The following ADAM2 variants were observed in gnomAD, a reference collection of about 807,000 sequenced individuals.
The protein encoded by ADAM2 is disintegrin and metalloproteinase domain-containing protein 2.
ADAM2 carries 101 observed loss-of-function variants against 99.3 expected under a neutral mutation model. That is an observed-to-expected ratio of 1.02 (90% CI 0.87 to 1.20). ADAM2 has a LOEUF of 1.20. Among genes scored for constraint, ADAM2 ranks in the 50% most tolerant of loss-of-function variants. ADAM2 has a pLI of 0.00. For missense variants in ADAM2, 948 were observed against 878.7 expected, an observed-to-expected ratio of 1.08 and a Z score of -1.00; for synonymous variants, 323 against 287.6, an observed-to-expected ratio of 1.12 and a Z score of -1.25.
intron 4 of ADAM2, among the ~76,000 whole-genome samples, chr8:39,824,086 C>A (rs1374712258): frequency 6.6e-6 from 1 of 152,032 alleles, no homozygotes; most frequent in African/African-American, 2.4e-5. Flanking sequence ...GAGTTCGACA[C>A]CAGCCTGACC....
intron 1 of ADAM2, 34 bp downstream of exon 1, chr8:39,838,097 C>T: frequency 1.2e-6 from 2 of 1,611,994 alleles, no homozygotes; most frequent in Non-Finnish European, 1.7e-6. Flanking sequence ...CGCTGAGGGT[C>T]CCAAAAGGCC....
chr8:39,804,134 G>A (rs1010091943), intron 7 of ADAM2, among the ~76,000 whole-genome samples: 2 of 152,190 alleles, frequency 1.3e-5, no homozygotes, highest in African/African-American at 2.4e-5. Flanking sequence ...AGCGAAATAT[G>A]AGTCAGCAAG....
chr8:39,751,943 G>A (rs545836606), intron 16 of ADAM2, among the ~76,000 whole-genome samples: 14 of 151,850 alleles, frequency 9.2e-5, no homozygotes, highest in Non-Finnish European at 1.6e-4. Context: ...AGCAATTCTC[G>A]TGCCTCAGCC....
chr8:39,743,971 A>G lies in ADAM2; in HGVS notation c.*124T>C, dbSNP rs1342899180. On this transcript the variant is annotated 3_prime_UTR_variant, in exon 21 of 21. Coordinates refer to ENST00000265708, the MANE Select transcript of ADAM2 (RefSeq NM_001464.5). ...ATTTTCTGGTCAAATTAAAATCACA[A>G]TATGCAGGTTTGAATCCCAGGAAAC... The G allele has an allele frequency of 6.6e-6, 1 of 152,144 alleles. No individual in the cohort carries two copies. Among genetic ancestry groups the G allele is most frequent in the African/African-American group, 2.4e-5 (1 of 41,448 alleles). 9.4% of individuals were successfully genotyped at this position (152,144 alleles called of 1,614,324 possible).
At chr8:39,752,894 C>T (rs564588947) in intron 16 of ADAM2, among the ~76,000 whole-genome samples, 25 of 152,212 alleles carry the variant, frequency 1.6e-4, no homozygotes, top group Non-Finnish European at 2.4e-4. Flanking sequence ...CCCAGCCACG[C>T]GGAACTGTGA....
At chr8:39,748,569 G>T (rs545774710) in intron 18 of ADAM2, among the ~76,000 whole-genome samples, 111 of 152,068 alleles carry the variant, frequency 7.3e-4, no homozygotes, top group Non-Finnish European at 1.2e-3. Context: ...TTATATCAAA[G>T]AAAATCTCCT....
At chr8:39,769,999 T>G (rs1802718499) in intron 11 of ADAM2, among the ~76,000 whole-genome samples, 2 of 146,794 alleles carry the variant, frequency 1.4e-5, no homozygotes, top group South Asian at 4.3e-4. Context: ...CAGGCTGGAG[T>G]GCAATGGCAT....
At chr8:39,828,688 A>T (rs1346120508) in intron 3 of ADAM2, among the ~76,000 whole-genome samples, 1 of 151,870 alleles carries the variant, frequency 6.6e-6, no homozygotes, top group Non-Finnish European at 1.5e-5. Context: ...TAAATTAGAC[A>T]GGGTCTAAGA....
At chr8:39,749,842 T>C in intron 16 of ADAM2, 98 bp from the exon 17 acceptor site, 1 of 816,308 alleles carries the variant, frequency 1.2e-6, no homozygotes, top group East Asian at 2.6e-5. Context: ...CATGGACTAA[T>C]AAAAAGGGTA....
At chr8:39,749,978 G>C (rs2129582833) in intron 16 of ADAM2, among the ~76,000 whole-genome samples, 2 of 152,118 alleles carry the variant, frequency 1.3e-5, no homozygotes, top group Non-Finnish European at 2.9e-5. Context: ...CTTCTTCCCT[G>C]CTTAGACTGG....
At chr8:39,775,228 G>A (rs1296689584) in intron 11 of ADAM2, among the ~76,000 whole-genome samples, 1 of 152,096 alleles carries the variant, frequency 6.6e-6, no homozygotes, top group Non-Finnish European at 1.5e-5. Flanking sequence ...AAGGCTGGTT[G>A]ACATTCATAG....
intron 11 of ADAM2, among the ~76,000 whole-genome samples, chr8:39,773,204 A>G (rs1563348291): frequency 6.6e-6 from 1 of 151,866 alleles, no homozygotes; most frequent in Non-Finnish European, 1.5e-5. Flanking sequence ...ACAAAGAAGA[A>G]ATCACAAAAA....
At chr8:39,813,084 A>G (rs879827951) in intron 6 of ADAM2, among the ~76,000 whole-genome samples, 11 of 152,198 alleles carry the variant, frequency 7.2e-5, no homozygotes, top group African/African-American at 1.2e-4. Context: ...AAAAAATCAA[A>G]CAACCCCATC....
At position 39,838,143 on chromosome 8, in the gene ADAM2, G is replaced by A. The variant is rs111349599; in HGVS notation, c.43C>T (p.Arg15Trp). 1.0e-4 allele frequency: 161 copies of A among 1,614,072 alleles called. 2 individuals are homozygous for A. The East Asian group carries it at 1.3e-3, about 13-fold the overall frequency. Residue 15 changes from arginine (R) to tryptophan (W), a missense_variant, in exon 1 of 21, where the codon CGG becomes TGG. Arg to Trp is a moderately radical substitution (Grantham distance 101, BLOSUM62 -3). Coordinates refer to ENST00000265708, the MANE Select transcript of ADAM2 (RefSeq NM_001464.5). ...TTTTTCTGCTTACTACTGTCCATCC[G>A]CAGCCCGCCGAGCCCGCTGAGCAGA... Reference protein sequence around the residue: ...LFLLSGLGGLRMDSNFDSLPV... With the variant: ...LFLLSGLGGLWMDSNFDSLPV...
intron 16 of ADAM2, among the ~76,000 whole-genome samples, chr8:39,755,518 T>C (rs1353639719): frequency 6.6e-6 from 1 of 152,014 alleles, no homozygotes; most frequent in African/African-American, 2.4e-5. Flanking sequence ...CTACTAAAAA[T>C]ACAAAAATTA....
chr8:39,754,835 T>TA (rs890189638), intron 16 of ADAM2, among the ~76,000 whole-genome samples: 1 of 152,142 alleles, frequency 6.6e-6, no homozygotes, highest in East Asian at 1.9e-4. Context: ...TTTCATATAA[T>TA]AAAAAAATCT....
intron 2 of ADAM2, among the ~76,000 whole-genome samples, chr8:39,836,000 G>A (rs2129589582): frequency 6.6e-6 from 1 of 151,760 alleles, no homozygotes; most frequent in Middle Eastern, 3.4e-3. Context: ...TTTGGTTTTG[G>A]TAACCACAAA....
chr8:39,786,656 A>G lies in ADAM2; in HGVS notation c.891+318T>C, dbSNP rs113423045. 8.5e-5 allele frequency among the ~76,000 whole-genome samples: 13 copies of G among 152,258 alleles called. 1 individual carries two copies. The highest frequency in any genetic ancestry group is 3.1e-4 in the African/African-American group (13 of 41,572). On this transcript the variant is annotated intron_variant, in intron 10 of 20. Coordinates refer to ENST00000265708, the MANE Select transcript of ADAM2 (RefSeq NM_001464.5). ...TCACTACATAATTAGGAAAACATAT[A>G]AAATCTAAGTTTTAGCCGAAATTAA...
At chr8:39,747,951 T>C (rs1038870100) in intron 18 of ADAM2, among the ~76,000 whole-genome samples, 3 of 152,222 alleles carry the variant, frequency 2.0e-5, no homozygotes, top group Non-Finnish European at 4.4e-5. Context: ...TCACATTTTA[T>C]ATTTCTATTA....
Sources: allele counts gnomAD v4.1 joint callset (sites outside exome capture counted in the v4.1 genomes callset), GRCh38; gene constraint gnomAD v4.1.1; transcripts MANE v1.5; gene names NCBI Gene and HGNC (gene_info 2026-07-23, HGNC 2026-07-21).